The following BTD variants were observed in gnomAD, a reference collection of about 807,000 sequenced individuals.
BTD encodes biotinidase, also known as biocytinase.
Under a neutral mutation model 17.7 loss-of-function variants are expected in BTD, and 13 were observed. That is an observed-to-expected ratio of 0.74 (90% CI 0.48 to 1.17). The LOEUF (loss-of-function observed/expected upper bound fraction) is 1.17. Among genes scored for constraint, BTD ranks in the 50% most tolerant of loss-of-function variants. BTD has a pLI of 0.00. For synonymous variants in BTD, 240 were observed against 245.2 expected, an observed-to-expected ratio of 0.98 and a Z score of 0.20; for missense variants, 674 against 650.4, an observed-to-expected ratio of 1.04 and a Z score of -0.39.
At chr3:15,717,805 T>C (rs560514249) in intron 4 of BTD, among the ~76,000 whole-genome samples, 3 of 152,324 alleles carry the variant, frequency 2.0e-5, no homozygotes, top group South Asian at 4.1e-4. Flanking sequence ...TACTGCTTTA[T>C]AAACCTGATT....
intron 3 of BTD, among the ~76,000 whole-genome samples, chr3:15,703,677 C>T (rs1362069906): frequency 1.3e-5 from 2 of 152,144 alleles, no homozygotes; most frequent in East Asian, 3.8e-4. Context: ...TTTGTTATAC[C>T]AGTCCAAACA....
At chr3:15,612,053 T>G (rs1013345249) in intron 1 of BTD, among the ~76,000 whole-genome samples, 1 of 152,158 alleles carries the variant, frequency 6.6e-6, no homozygotes, top group Admixed American at 6.5e-5. Context: ...TAATTTAATT[T>G]CCACTCTTAT....
At chr3:15,655,458 T>C (rs540140067), downstream of BTD, among the ~76,000 whole-genome samples, 42 of 152,368 alleles carry the variant, frequency 2.8e-4, no homozygotes, top group South Asian at 8.3e-3. Context: ...TGGTGCAGTG[T>C]ATATTGAATA....
At chr3:15,712,063 A>G in exon 4 of BTD, 3 of 1,135,162 alleles carry the variant, frequency 2.6e-6, no homozygotes, top group Non-Finnish European at 3.9e-6. Flanking sequence ...TTAATTTTTA[A>G]AAAGCAGGAT....
exon 4 of BTD, among the ~76,000 whole-genome samples, chr3:15,710,706 C>G (rs531870254): frequency 1.3e-5 from 2 of 152,194 alleles, no homozygotes; most frequent in African/African-American, 4.8e-5. Context: ...GTTTGTTGCT[C>G]GTATGAACCA....
At chr3:15,701,070 C>T (rs567463437) in intron 3 of BTD, among the ~76,000 whole-genome samples, 2 of 152,140 alleles carry the variant, frequency 1.3e-5, no homozygotes, top group South Asian at 4.2e-4. Flanking sequence ...TAAAAGTTTC[C>T]AAAATCACAC....
At chr3:15,706,775 T>G (rs939241502) in intron 3 of BTD, among the ~76,000 whole-genome samples, 2 of 152,204 alleles carry the variant, frequency 1.3e-5, no homozygotes, top group African/African-American at 2.4e-5. Flanking sequence ...TTTTAATGAT[T>G]GCCATTCTAA....
chr3:15,703,817 C>T (rs2070968712), intron 3 of BTD, among the ~76,000 whole-genome samples: 1 of 152,054 alleles, frequency 6.6e-6, no homozygotes, highest in African/African-American at 2.4e-5. Context: ...AGATAACAAC[C>T]CATAAAATAT....
intron 2 of BTD, among the ~76,000 whole-genome samples, chr3:15,639,520 G>A (rs556168726): frequency 4.9e-4 from 75 of 152,242 alleles, no homozygotes; most frequent in African/African-American, 1.5e-3. Flanking sequence ...GCAAAACTGG[G>A]TAATGTCCTA....
intron 2 of BTD, among the ~76,000 whole-genome samples, chr3:15,639,845 C>T (rs543420142): frequency 7.2e-5 from 11 of 152,306 alleles, no homozygotes; most frequent in Admixed American, 6.5e-4. Context: ...TGCTGTGGCT[C>T]ATGCCTGTAA....
intron 1 of BTD, among the ~76,000 whole-genome samples, chr3:15,633,079 A>G (rs1431922206): frequency 6.6e-6 from 1 of 152,172 alleles, no homozygotes; most frequent in South Asian, 2.1e-4. Flanking sequence ...TGTACACTTT[A>G]AATCATCTCT....
intron 3 of BTD, among the ~76,000 whole-genome samples, chr3:15,703,355 C>T (rs1171471142): frequency 6.6e-6 from 1 of 152,184 alleles, no homozygotes; most frequent in Non-Finnish European, 1.5e-5. Flanking sequence ...TTTATGTCCC[C>T]CCACACCCAT....
downstream of BTD, among the ~76,000 whole-genome samples, chr3:15,715,167 G>A (rs552651145): frequency 2.6e-5 from 4 of 152,170 alleles, no homozygotes; most frequent in Non-Finnish European, 4.4e-5. Context: ...TCATGTAGAA[G>A]TTCTAAAGGA....
intron 3 of BTD, among the ~76,000 whole-genome samples, chr3:15,672,768 T>C (rs2066506187): frequency 6.6e-6 from 1 of 152,104 alleles, no homozygotes; most frequent in Non-Finnish European, 1.5e-5. Context: ...AACAGGCTCC[T>C]CTCCTCTGCA....
intron 3 of BTD, among the ~76,000 whole-genome samples, chr3:15,666,846 T>C (rs1559291852): frequency 6.6e-6 from 1 of 152,276 alleles, no homozygotes. Context: ...TGATTCTCAA[T>C]GTCCGCACCT....
chr3:15,670,267 C>G (rs2066211119), intron 3 of BTD: 14 of 1,610,570 alleles, frequency 8.7e-6, no homozygotes, highest in Non-Finnish European at 1.1e-5. Flanking sequence ...CCTCCTCAGC[C>G]TCTCAGTAGG....
downstream of BTD, among the ~76,000 whole-genome samples, chr3:15,653,819 G>T (rs910399911): frequency 2.0e-5 from 3 of 152,268 alleles, no homozygotes; most frequent in African/African-American, 4.8e-5. Flanking sequence ...ACGTGTGAAA[G>T]TTAAGCATTA....
chr3:15,686,736 A>G (rs1382087759), intron 3 of BTD, among the ~76,000 whole-genome samples: 2 of 152,228 alleles, frequency 1.3e-5, no homozygotes, highest in Non-Finnish European at 2.9e-5. Context: ...GACTACTGAG[A>G]TGCCGATAAG....
chr3:15,615,215 A>G lies in BTD; in HGVS notation c.-17+13321A>G, dbSNP rs573780763. ...TCACTTTGTGCTCATTTCTTGGCAT[A>G]GAGTTACCTGGGTCATGTATGTTGT... On this transcript the variant is annotated intron_variant, in intron 1 of 3. Coordinates refer to ENST00000643237, the MANE Select transcript of BTD (RefSeq NM_001370658.1). Among the ~76,000 whole-genome samples the G allele has an allele frequency of 5.3e-5, 8 of 152,360 alleles. No individual in the cohort carries two copies. In the South Asian group the frequency reaches 1.2e-3, roughly 24 times the overall value.
Sources: gnomAD v4.1 joint callset for allele counts (sites outside exome capture counted in the v4.1 genomes callset) on GRCh38, gnomAD v4.1.1 for gene constraint, MANE v1.5 for transcripts, NCBI Gene and HGNC (gene_info 2026-07-23, HGNC 2026-07-21) for gene names.